BICRAL: variants seen among roughly 807,000 people sequenced by gnomAD.
The protein encoded by BICRAL is BICRA like chromatin remodeling complex associated protein, also known as BRD4-interacting chromatin-remodeling complex-associated protein-like.
In BICRAL, 8 loss-of-function variants were observed where a neutral mutation model predicts 91.8. That is an observed-to-expected ratio of 0.09 (90% CI 0.05 to 0.16). BICRAL has a LOEUF of 0.16. Ranked by LOEUF, BICRAL falls within the 10% of genes least tolerant of loss-of-function variation. The pLI is 1.00. For missense variants in BICRAL, 1,038 were observed against 1,310.9 expected, an observed-to-expected ratio of 0.79 and a Z score of 3.21; for synonymous variants, 445 against 491.1, an observed-to-expected ratio of 0.91 and a Z score of 1.24.
intron 6 of BICRAL, among the ~76,000 whole-genome samples, chr6:42,838,434 G>A (rs1764700135): frequency 6.6e-6 from 1 of 152,146 alleles, no homozygotes; most frequent in African/African-American, 2.4e-5. Context: ...GATGCTGAGT[G>A]TGGGCACTTG....
chr6:42,794,027 G>A (rs1223411806), intron 1 of BICRAL, among the ~76,000 whole-genome samples: 1 of 149,566 alleles, frequency 6.7e-6, no homozygotes, highest in Non-Finnish European at 1.5e-5. Context: ...GTAAAACTAT[G>A]TTACTTGTTT....
chr6:42,849,993 C>T (rs1765128996), intron 6 of BICRAL, among the ~76,000 whole-genome samples: 1 of 151,874 alleles, frequency 6.6e-6, no homozygotes, highest in African/African-American at 2.4e-5. Flanking sequence ...GCCAAGATCA[C>T]ACCAGTGCAC....
chr6:42,812,429 CA>C (rs71547815), intron 2 of BICRAL, among the ~76,000 whole-genome samples: 7 of 150,866 alleles, frequency 4.6e-5, no homozygotes, highest in Admixed American at 6.6e-5. Context: ...CCTGCCTCTT[CA>C]AAAAAAATTT....
At chr6:42,774,486 A>G (rs1187122483) in intron 1 of BICRAL, among the ~76,000 whole-genome samples, 1 of 152,170 alleles carries the variant, frequency 6.6e-6, no homozygotes, top group Non-Finnish European at 1.5e-5. Flanking sequence ...ATCCTTTCAG[A>G]GCATCAGTGT....
Position 42,830,209 on chromosome 6 carries a change from T to C in BICRAL, c.1839+37T>C, listed in dbSNP as rs1335432622. 1.9e-6 allele frequency: 3 copies of C among 1,595,690 alleles called. No homozygotes were observed. In the African/African-American group the frequency reaches 4.0e-5, roughly 22 times the overall value. On this transcript the variant is annotated intron_variant, in intron 6 of 12. Transcript: ENST00000314073. ...TCCCAAATAAATATTTGGCTGATTA[T>C]AGAATGGAAAAATGAGATGTGTATT...
chr6:42,783,428 G>T (rs1762996889), intron 1 of BICRAL, among the ~76,000 whole-genome samples: 1 of 152,204 alleles, frequency 6.6e-6, no homozygotes, highest in Non-Finnish European at 1.5e-5. Flanking sequence ...GGGATATTGG[G>T]TGGGGGGGTG....
At chr6:42,821,247 T>A (rs1764128592) in intron 2 of BICRAL, 1 of 152,294 alleles carries the variant, frequency 6.6e-6, no homozygotes, top group Non-Finnish European at 1.5e-5. Flanking sequence ...GAGCTGCTCT[T>A]GGAATCTGTG....
chr6:42,755,772 C>T (rs1762449423), intron 1 of BICRAL, among the ~76,000 whole-genome samples: 4 of 151,492 alleles, frequency 2.6e-5, no homozygotes, highest in Non-Finnish European at 4.4e-5. Context: ...TGGGTTCAAG[C>T]GATTCTCCTG....
rs1390320456 is a variant in BICRAL, at chr6:42,828,690, A to G, written c.357A>G (p.Thr119=). Reference sequence around the variant, plus strand: ...AAGAGGCCAATATCACTGAACAGACATTGGCAGAAGAGGCATATTTGGATG... The same window carrying G: ...AAGAGGCCAATATCACTGAACAGACGTTGGCAGAAGAGGCATATTTGGATG... The part of the protein sequence containing the change: ...SLQEANITEQ[T]LAEEAYLDAS... The change falls in exon 6 of 13, where the codon ACA becomes ACG. Residue 119 remains threonine, a synonymous_variant. Coordinates refer to ENST00000314073, the MANE Select transcript of BICRAL (RefSeq NM_001393499.1). The G allele has an allele frequency of 1.2e-6, 2 of 1,614,152 alleles. No homozygotes were observed. The highest frequency in any genetic ancestry group is 1.7e-6 in the Non-Finnish European group (2 of 1,180,012).
intron 6 of BICRAL, among the ~76,000 whole-genome samples, chr6:42,832,047 T>A (rs963647820): frequency 2.2e-4 from 34 of 151,726 alleles, no homozygotes; most frequent in Non-Finnish European, 2.8e-4. Context: ...CCAATATCAA[T>A]CTTTTAAATA....
rs768710395 is a variant in BICRAL at position 42,829,264 on chromosome 6, A to G, written c.931A>G (p.Ile311Val). 4 of 1,614,092 alleles carry G rather than the reference A, an allele frequency of 2.5e-6. No homozygotes were observed. The highest frequency in any genetic ancestry group is 2.2e-5 in the South Asian group (2 of 91,090). The change falls in exon 6 of 13, where the codon ATT becomes GTT. Residue 311 changes from isoleucine (I) to valine (V), a missense_variant. Transcript: ENST00000314073. The part of the protein sequence containing the change: ...GLAPNSNKVP[I>V]NIQPKPIQMG... ...TGCACCAAATTCAAATAAAGTCCCA[A>G]TTAATATACAGCCAAAGCCTATCCA...
chr6:42,783,407 G>T (rs1194419774), intron 1 of BICRAL, among the ~76,000 whole-genome samples: 1 of 152,166 alleles, frequency 6.6e-6, no homozygotes, highest in East Asian at 1.9e-4. Context: ...CCCCCGAGTC[G>T]CCCCAAATGC....
In BICRAL at chr6:42,804,184, A is replaced by G. The variant is rs559513162; in HGVS notation, c.-101-6122A>G. Reference sequence around the variant, plus strand: ...ATTACAGGCATGTGCCGCCATGCCCAGCTAATTTTGTATTTTTAGTAGAGA... The same window carrying G: ...ATTACAGGCATGTGCCGCCATGCCCGGCTAATTTTGTATTTTTAGTAGAGA... On this transcript the variant is annotated intron_variant, in intron 1 of 12. Transcript: ENST00000314073. Among the ~76,000 whole-genome samples, 22 of 152,204 alleles carry G rather than the reference A, an allele frequency of 1.4e-4. No individual in the cohort carries two copies. The South Asian group carries it at 3.9e-3, about 27-fold the overall frequency.
chr6:42,785,831 G>A (rs571220690), intron 1 of BICRAL, among the ~76,000 whole-genome samples: 2 of 151,950 alleles, frequency 1.3e-5, no homozygotes, highest in East Asian at 3.9e-4. Flanking sequence ...CGAGGTGGGC[G>A]GATCACGAGG....
chr6:42,785,911 G>A (rs1242665866), intron 1 of BICRAL, among the ~76,000 whole-genome samples: 1 of 152,252 alleles, frequency 6.6e-6, no homozygotes, highest in East Asian at 1.9e-4. Context: ...AAAATTAGCC[G>A]GGCTTGGTGG....
chr6:42,814,519 A>ATATATATATATATTT (rs1237976324), intron 2 of BICRAL, among the ~76,000 whole-genome samples: 6 of 80,210 alleles, frequency 7.5e-5, no homozygotes, highest in African/African-American at 3.9e-4. Context: ...ATATATATAT[A>ATATATATATATATTT]TTTTTTTTTT....
In BICRAL at chr6:42,857,614, A is replaced by AAATATATAT; in HGVS notation, c.2254+379_2254+380insATATATATA. On this transcript the variant is annotated intron_variant, in intron 10 of 12. Transcript: ENST00000314073. Reference sequence around the variant, plus strand: ...ACACTGTCTCTTAAAAAAAAAAAAAAATATATATATATATATATATATTTT... The same window carrying AAATATATAT: ...ACACTGTCTCTTAAAAAAAAAAAAAAAATATATATATATATATATATATATATATATTTT... 3.3e-3 allele frequency among the ~76,000 whole-genome samples: 315 copies of AAATATATAT among 96,178 alleles called. 2 individuals are homozygous for AAATATATAT. Among genetic ancestry groups the AAATATATAT allele is most frequent in the Middle Eastern group, 6.3e-3 (1 of 158 alleles). The allele number at this position is 96,178 out of a possible 152,430, so 63.1% of individuals were successfully genotyped here. A position where few individuals can be genotyped will look rare whatever the true frequency, so the allele number is the denominator to read the frequency against.
intron 1 of BICRAL, among the ~76,000 whole-genome samples, chr6:42,793,744 G>T (rs751024255): frequency 2.7e-5 from 4 of 150,058 alleles, no homozygotes; most frequent in Non-Finnish European, 3.0e-5. Flanking sequence ...CTACTTCTAT[G>T]CGTAGGCCTC....
At chr6:42,845,195 G>GTTTTTTTTTTTTTTTTTTTTTTTTTTT (rs748804344) in intron 6 of BICRAL, among the ~76,000 whole-genome samples, 2 of 25,566 alleles carry the variant, frequency 7.8e-5, no homozygotes, top group Non-Finnish European at 1.7e-4. Flanking sequence ...TTTTTTGGGT[G>GTTTTTTTTTTTTTTTTTTTTTTTTTTT]TTTTTTTTTT....
Sources: gnomAD v4.1 joint callset for allele counts (sites outside exome capture counted in the v4.1 genomes callset) on GRCh38, gnomAD v4.1.1 for gene constraint, MANE v1.5 for transcripts, NCBI Gene and HGNC (gene_info 2026-07-23, HGNC 2026-07-21) for gene names.